Variants in CCDC3 observed in about 807,000 individuals in gnomAD.
The protein encoded by CCDC3 is coiled-coil domain containing 3.
In CCDC3, 24 loss-of-function variants were observed where a neutral mutation model predicts 21.4. The observed-to-expected ratio is 1.12, with a 90% confidence interval of 0.81 to 1.58. The LOEUF (loss-of-function observed/expected upper bound fraction) is 1.58, where lower values mean the gene tolerates loss of function less well. CCDC3 is among the 40% of genes most tolerant of loss of function. The pLI is 0.00. For missense variants in CCDC3, 425 were observed against 360.9 expected (o/e 1.18, Z -1.44); for synonymous variants, 186 against 166.0 (o/e 1.12, Z -0.93).
chr10:13,069,436 T>C (rs562440922), intron 4 of CCDC3, among the ~76,000 whole-genome samples: 1 of 152,356 alleles, frequency 6.6e-6, no homozygotes, highest in South Asian at 2.1e-4. Flanking sequence ...AAAGGTTTTT[T>C]GCTTTTTTAA....
At chr10:12,977,514 C>T (rs1398774483) in intron 2 of CCDC3, among the ~76,000 whole-genome samples, 15 of 152,146 alleles carry the variant, frequency 9.9e-5, no homozygotes, top group Admixed American at 7.2e-4. Context: ...ACTGTAGCAT[C>T]TAAAGTCAAT....
intron 2 of CCDC3, among the ~76,000 whole-genome samples, chr10:12,936,377 A>G (rs1834738217): frequency 6.6e-6 from 1 of 151,704 alleles, no homozygotes; most frequent in African/African-American, 2.4e-5. Context: ...TCTCTTTTTG[A>G]GACAGGATCT....
chr10:13,032,059 T>C (rs933118726), intron 5 of CCDC3, among the ~76,000 whole-genome samples: 12 of 152,110 alleles, frequency 7.9e-5, no homozygotes, highest in Admixed American at 7.9e-4. Context: ...TTTAGACCAA[T>C]ACCCCTGATG....
chr10:12,908,220 A>C (rs1218428496), intron 2 of CCDC3, among the ~76,000 whole-genome samples: 1 of 152,258 alleles, frequency 6.6e-6, no homozygotes, highest in Non-Finnish European at 1.5e-5. Flanking sequence ...CGTGGGGACC[A>C]AAAGGGTGGT....
chr10:13,032,152 T>C (rs1258427961), intron 5 of CCDC3, among the ~76,000 whole-genome samples: 1 of 145,254 alleles, frequency 6.9e-6, no homozygotes, highest in Non-Finnish European at 1.5e-5. Context: ...CACAATCAAA[T>C]TGGCTTCATC....
chr10:12,951,804 C>CA lies in CCDC3; in HGVS notation c.549+46533dup, dbSNP rs71924811. Among the ~76,000 whole-genome samples, 260 of 60,484 alleles carry CA rather than the reference C, an allele frequency of 4.3e-3. 19 individuals are homozygous for CA. The highest frequency in any genetic ancestry group is 0.019 in the African/African-American group (239 of 12,764). 39.7% of individuals were successfully genotyped at this position (60,484 alleles called of 152,430 possible). On this transcript the variant is annotated intron_variant, in intron 2 of 2. Transcript: ENST00000378825. The stretch of plus-strand genomic sequence containing the variant: ...TGGACAACAGAGTGAGACTTCATCT[C>CA]AAAAAAAAAAAAAAAAAAAAAAAGT...
At chr10:12,957,380 G>T (rs1048695066) in intron 2 of CCDC3, among the ~76,000 whole-genome samples, 1 of 152,186 alleles carries the variant, frequency 6.6e-6, no homozygotes, top group East Asian at 1.9e-4. Context: ...ACCGTAACTC[G>T]TGTCTGATTT....
chr10:12,964,693 T>C (rs1835233660), intron 2 of CCDC3, among the ~76,000 whole-genome samples: 1 of 152,198 alleles, frequency 6.6e-6, no homozygotes, highest in African/African-American at 2.4e-5. Flanking sequence ...TTCTCTTACT[T>C]GTAGCCAAAG....
At chr10:12,900,728 A>G (rs1183172431) in intron 2 of CCDC3, among the ~76,000 whole-genome samples, 2 of 141,590 alleles carry the variant, frequency 1.4e-5, no homozygotes, top group African/African-American at 5.3e-5. Flanking sequence ...ATCGAGCCCC[A>G]CTATCTACAC....
intron 3 of CCDC3, among the ~76,000 whole-genome samples, chr10:13,078,976 A>G (rs1018649707): frequency 1.3e-5 from 2 of 152,172 alleles, no homozygotes; most frequent in South Asian, 2.1e-4. Context: ...TAATCTGCAC[A>G]TTGTGCACAT....
chr10:12,928,722 G>C (rs1226094643), intron 2 of CCDC3, among the ~76,000 whole-genome samples: 2 of 152,214 alleles, frequency 1.3e-5, no homozygotes, highest in African/African-American at 4.8e-5. Flanking sequence ...AGCCCCTGGT[G>C]GGGTAGGGTG....
intron 2 of CCDC3, among the ~76,000 whole-genome samples, chr10:12,922,676 G>A (rs146270148): frequency 9.3e-5 from 14 of 151,084 alleles, no homozygotes; most frequent in African/African-American, 2.7e-4. Flanking sequence ...CCCTTCCCGC[G>A]CCGCAGGAAC....
chr10:12,986,375 CAG>C lies in CCDC3; in HGVS notation c.549+11961_549+11962del, dbSNP rs1835590488. On this transcript the variant is annotated intron_variant, in intron 2 of 2. Transcript: ENST00000378825. ...GCACTACAGTTATACAACATATTAA[CAG>C]TAGGGGACAAGGGGTGAGGGGTGCC... Among the ~76,000 whole-genome samples the C allele has an allele frequency of 2.6e-5, 4 of 152,128 alleles. No individual in the cohort carries two copies. The South Asian group carries it at 8.3e-4, about 32-fold the overall frequency.
At chr10:13,025,159 G>C (rs1836199203) in intron 5 of CCDC3, among the ~76,000 whole-genome samples, 1 of 152,116 alleles carries the variant, frequency 6.6e-6, no homozygotes, top group East Asian at 1.9e-4. Flanking sequence ...CTGTCTAAAG[G>C]GTCTGCCATG....
At chr10:12,949,627 C>T (rs1477397353) in intron 2 of CCDC3, among the ~76,000 whole-genome samples, 1 of 152,238 alleles carries the variant, frequency 6.6e-6, no homozygotes, top group Admixed American at 6.5e-5. Context: ...CAACAAGATA[C>T]ATAACTGCCT....
intron 5 of CCDC3, among the ~76,000 whole-genome samples, chr10:13,033,944 A>G (rs1257471382): frequency 6.6e-6 from 1 of 152,190 alleles, no homozygotes; most frequent in African/African-American, 2.4e-5. Flanking sequence ...CTATTCTGCA[A>G]AGATCTAGAA....
chr10:12,995,281 G>A (rs1835744388), intron 2 of CCDC3, among the ~76,000 whole-genome samples: 2 of 152,098 alleles, frequency 1.3e-5, no homozygotes, highest in Non-Finnish European at 2.9e-5. Context: ...TTGGTCTGCT[G>A]CCCAGACTGG....
chr10:13,035,326 G>A (rs1042666143), intron 5 of CCDC3, among the ~76,000 whole-genome samples: 1 of 152,094 alleles, frequency 6.6e-6, no homozygotes, highest in African/African-American at 2.4e-5. Context: ...CTGCAGTGAT[G>A]ATTCTTGCAG....
intron 5 of CCDC3, among the ~76,000 whole-genome samples, chr10:13,046,162 T>G (rs922286025): frequency 1.3e-5 from 2 of 152,090 alleles, no homozygotes; most frequent in Admixed American, 1.3e-4. Context: ...TCCCAGCACC[T>G]TGGGAGGCCA....
Sources: allele counts gnomAD v4.1 joint callset (sites outside exome capture counted in the v4.1 genomes callset), GRCh38; gene constraint gnomAD v4.1.1; transcripts MANE v1.5; gene names NCBI Gene and HGNC (gene_info 2026-07-23, HGNC 2026-07-21).